Variants in SLC38A7 observed in about 807,000 individuals in gnomAD.
SLC38A7 encodes the protein sodium-coupled neutral amino acid transporter 7.
Under a neutral mutation model 50.1 loss-of-function variants are expected in SLC38A7, and 29 were observed. The observed-to-expected ratio is 0.58, with a 90% confidence interval of 0.43 to 0.79. SLC38A7 has a LOEUF of 0.79. Ranked by LOEUF, SLC38A7 falls within the 30% of genes least tolerant of loss-of-function variation. The pLI is 0.00. For missense variants in SLC38A7, 483 were observed against 610.6 expected, an observed-to-expected ratio of 0.79 and a Z score of 2.20; for synonymous variants, 244 against 245.9, an observed-to-expected ratio of 0.99 and a Z score of 0.07.
At chr16:58,671,457 C>A in intron 9 of SLC38A7, 1 of 595,070 alleles carries the variant, frequency 1.7e-6, no homozygotes, top group Non-Finnish European at 3.0e-6. Context: ...TGCTTTACAT[C>A]ACATGGAAAC....
chr16:58,679,677 C>CT, intron 3 of SLC38A7, 180 bp downstream of exon 3: 1 of 737,076 alleles, frequency 1.4e-6, no homozygotes, highest in Non-Finnish European at 2.1e-6. Context: ...TGGAAGGCTT[C>CT]TGAAGCCTCA....
chr16:58,673,428 G>A (rs1428692157), intron 8 of SLC38A7, among the ~76,000 whole-genome samples: 1 of 151,916 alleles, frequency 6.6e-6, no homozygotes, highest in Non-Finnish European at 1.5e-5. Context: ...TAGAAATGAG[G>A]TTTCACTATG....
intron 3 of SLC38A7, 150 bp downstream of exon 3, chr16:58,679,707 T>C (rs1012214138): frequency 1.6e-5 from 17 of 1,039,932 alleles, no homozygotes; most frequent in Admixed American, 2.3e-5. Context: ...CAGGAAAGAA[T>C]ACTAGAATAG....
At chr16:58,669,963 A>T in intron 11 of SLC38A7, 150 bp downstream of exon 11, 1 of 687,012 alleles carries the variant, frequency 1.5e-6, no homozygotes, top group Non-Finnish European at 2.4e-6. Flanking sequence ...CGACACAGCG[A>T]GACTCCGGCT....
At chr16:58,681,160 A>G (rs2044379906) in intron 2 of SLC38A7, among the ~76,000 whole-genome samples, 1 of 152,188 alleles carries the variant, frequency 6.6e-6, no homozygotes, top group South Asian at 2.1e-4. Context: ...TTCAATCCTC[A>G]ATGCAGCCCT....
In SLC38A7 at chr16:58,682,634, A is replaced by C. The variant is rs118007701; in HGVS notation, c.-116+1321T>G. On this transcript the variant is annotated intron_variant, in intron 2 of 11. Transcript: ENST00000219320. ...GCCACCACAGCCAGCTAACTTTTAA[A>C]ATTTTTTTTTTTTTTGAGACGGAGT... is the stretch of plus-strand genomic sequence containing the variant. Among the ~76,000 whole-genome samples, 3,075 of 149,674 alleles carry C rather than the reference A, an allele frequency of 0.021. 184 individuals carry two copies. In the East Asian group the frequency reaches 0.25, roughly 12 times the overall value.
intron 11 of SLC38A7, among the ~76,000 whole-genome samples, chr16:58,667,768 C>T (rs747277466): frequency 3.3e-5 from 5 of 152,036 alleles, no homozygotes; most frequent in Non-Finnish European, 5.9e-5. Flanking sequence ...GAAAAAAGCA[C>T]GTCACATGGA....
chr16:58,678,996 G>C lies in SLC38A7; in HGVS notation c.271-102C>G. Reference sequence around the variant, plus strand: ...CTGGGCCAGTGCCCAAAGCAAGCTTGGCAAATCTCACAAAGGCAATTTTAA... The same window carrying C: ...CTGGGCCAGTGCCCAAAGCAAGCTTCGCAAATCTCACAAAGGCAATTTTAA... On this transcript the variant is annotated intron_variant, in intron 3 of 11. Transcript: ENST00000219320. This position sits in a 1 kb window ranked among gnomAD's most constrained non-coding sequence, Gnocchi z 4.0. 1 of 1,209,368 alleles carries C rather than the reference G, an allele frequency of 8.3e-7. No individual in the cohort carries two copies. Among genetic ancestry groups the C allele is most frequent in the South Asian group, 1.4e-5 (1 of 74,036 alleles). The allele number at this position is 1,209,368 out of a possible 1,614,324, so 74.9% of individuals were successfully genotyped here.
rs749045575 is a variant in SLC38A7, at chr16:58,675,925, G to GC, written c.883+14_883+15insG. On this transcript the variant is annotated intron_variant, in intron 8 of 11. Coordinates refer to ENST00000219320, the MANE Select transcript of SLC38A7 (RefSeq NM_018231.3). Reference sequence around the variant, plus strand: ...AGCACTCTAGTCCCAGGTCTTGGGGGGGGGGAGCACTCACCTGTCCCCATG... The same window carrying GC: ...AGCACTCTAGTCCCAGGTCTTGGGGGCGGGGGAGCACTCACCTGTCCCCATG... The GC allele has an allele frequency of 2.5e-5, 39 of 1,589,176 alleles. No individual in the cohort carries two copies. Among genetic ancestry groups the GC allele is most frequent in the Non-Finnish European group, 3.1e-5 (36 of 1,163,910 alleles).
At chr16:58,684,569 G>A (rs2044452665) in intron 1 of SLC38A7, 148 bp downstream of exon 1, 2 of 152,694 alleles carry the variant, frequency 1.3e-5, no homozygotes, top group Admixed American at 1.3e-4. Context: ...TGGCGCAACA[G>A]AGGGACGGGC....
At chr16:58,669,103 CTTTTTTTTTTTTT>C (rs71155293) in intron 11 of SLC38A7, among the ~76,000 whole-genome samples, 194 of 54,626 alleles carry the variant, frequency 3.6e-3, no homozygotes, top group Middle Eastern at 0.022. Flanking sequence ...GTTTGTATGG[CTTTTTTTTTTTTT>C]TTTTTTTTTT....
chr16:58,682,027 C>T (rs1363580083), intron 2 of SLC38A7, among the ~76,000 whole-genome samples: 1 of 152,088 alleles, frequency 6.6e-6, no homozygotes, highest in Admixed American at 6.6e-5. Context: ...TGTGGTGGTG[C>T]ACCCCTGTAA....
chr16:58,679,388 T>C lies in SLC38A7; in HGVS notation c.270+469A>G, dbSNP rs1484892298. ...GCCTGGGTGACAAAGCAAGACTCCA[T>C]CTCAAAGAAAAAAGTAAAGAGAATA... On this transcript the variant is annotated intron_variant, in intron 3 of 11. Transcript: ENST00000219320. 3.3e-5 allele frequency among the ~76,000 whole-genome samples: 5 copies of C among 152,092 alleles called. No individual in the cohort carries two copies. The East Asian group carries it at 7.7e-4, about 23-fold the overall frequency.
At position 58,677,444 on chromosome 16, in the gene SLC38A7, A is replaced by G; in HGVS notation, c.612-20T>C. 1.9e-6 allele frequency: 3 copies of G among 1,608,766 alleles called. No individual in the cohort carries two copies. Among genetic ancestry groups the G allele is most frequent in the Non-Finnish European group, 2.6e-6 (3 of 1,175,132 alleles). ...AGGAAGCTGCCGGGAAGGAGAGACT[A>G]AGTGTCCTCATCCCCAGCTGCCTCT... On this transcript the variant is annotated intron_variant, in intron 5 of 11. Coordinates refer to ENST00000219320, the MANE Select transcript of SLC38A7 (RefSeq NM_018231.3).
chr16:58,676,905 C>A (rs537805874), intron 6 of SLC38A7, among the ~76,000 whole-genome samples: 1 of 152,092 alleles, frequency 6.6e-6, no homozygotes, highest in Non-Finnish European at 1.5e-5. Flanking sequence ...CCGCCCGCCT[C>A]GGCCTCCCAA....
chr16:58,680,670 C>T (rs946825106), intron 2 of SLC38A7, among the ~76,000 whole-genome samples: 1 of 152,174 alleles, frequency 6.6e-6, no homozygotes, highest in African/African-American at 2.4e-5. Flanking sequence ...GCTTCCCAGC[C>T]TGTTTCCACC....
In SLC38A7 at chr16:58,677,008, T is replaced by A. The variant is rs572218537; in HGVS notation, c.710+318A>T. Among the ~76,000 whole-genome samples the A allele has an allele frequency of 6.6e-5, 10 of 151,812 alleles. No homozygotes were observed. The East Asian group carries it at 1.7e-3, about 27-fold the overall frequency. On this transcript the variant is annotated intron_variant, in intron 6 of 11. Transcript: ENST00000219320. ...CCCTCAAAGATACAGAAATTACAGA[T>A]AAGCAGATGCTGGAAACACAGGCAA...
At chr16:58,668,403 C>T (rs908796670) in intron 11 of SLC38A7, among the ~76,000 whole-genome samples, 3 of 152,152 alleles carry the variant, frequency 2.0e-5, no homozygotes, top group Admixed American at 6.5e-5. Context: ...GGTGAAACCC[C>T]GTCTCTACCA....
chr16:58,666,660 C>T lies in SLC38A7; in HGVS notation c.*725G>A, dbSNP rs369531179. ...GAGGAATACTCACAGCACCGTGGCA[C>T]GGGACGGCCCTTGGCTTCAGAGCCG... is the stretch of plus-strand genomic sequence containing the variant. On this transcript the variant is annotated 3_prime_UTR_variant, in exon 12 of 12. Transcript: ENST00000219320. The T allele has an allele frequency of 2.6e-5, 4 of 152,698 alleles. No individual in the cohort carries two copies. The highest frequency in any genetic ancestry group is 3.9e-4 in the East Asian group (2 of 5,182). 9.5% of individuals were successfully genotyped at this position (152,698 alleles called of 1,614,324 possible). A position where few individuals can be genotyped will look rare whatever the true frequency, so the allele number is the denominator to read the frequency against.
Sources: gnomAD v4.1 joint callset for allele counts (sites outside exome capture counted in the v4.1 genomes callset) on GRCh38, gnomAD v4.1.1 for gene constraint, Gnocchi (gnomAD v3.1) non-coding constraint, MANE v1.5 for transcripts, NCBI Gene and HGNC (gene_info 2026-07-23, HGNC 2026-07-21) for gene names.